The following SLC24A2 variants were observed in gnomAD, a reference collection of about 807,000 sequenced individuals.
The protein encoded by SLC24A2 is sodium/potassium/calcium exchanger 2.
A neutral mutation model predicts 62.0 loss-of-function variants in SLC24A2; 36 were observed. That is an observed-to-expected ratio of 0.58 (90% CI 0.44 to 0.77). The LOEUF (loss-of-function observed/expected upper bound fraction) is 0.77, where lower values mean the gene tolerates loss of function less well. SLC24A2 is among the 30% of genes least tolerant of loss of function. SLC24A2 has a pLI of 0.00. For synonymous variants in SLC24A2, 358 were observed against 294.0 expected (o/e 1.22, Z -2.23); for missense variants, 846 against 817.9 (o/e 1.03, Z -0.42).
At chr9:19,613,817 G>C (rs529714860) in intron 4 of SLC24A2, among the ~76,000 whole-genome samples, 4 of 152,074 alleles carry the variant, frequency 2.6e-5, no homozygotes, top group Admixed American at 1.3e-4. Flanking sequence ...TACAAACACA[G>C]ACTGTGAGTC....
chr9:20,300,278 C>A, the SLC24A2 span, among the ~76,000 whole-genome samples: 3 of 152,128 alleles, frequency 2.0e-5, no homozygotes, highest in East Asian at 3.8e-4. Flanking sequence ...CCAATTATAT[C>A]TTTTAGTTAT....
the SLC24A2 span, among the ~76,000 whole-genome samples, chr9:20,130,323 G>A: frequency 6.6e-6 from 1 of 151,818 alleles, no homozygotes. Context: ...CAAGCTCTCG[G>A]TGTTATGAAA....
At chr9:19,784,920 T>C (rs1327413272) in intron 2 of SLC24A2, among the ~76,000 whole-genome samples, 1 of 152,184 alleles carries the variant, frequency 6.6e-6, no homozygotes, top group East Asian at 1.9e-4. Context: ...CATATTAATA[T>C]CATTTTTCTT....
intron 9 of SLC24A2, 108 bp downstream of exon 9, chr9:19,527,941 C>A: frequency 1.3e-6 from 1 of 747,158 alleles, no homozygotes; most frequent in Non-Finnish European, 2.4e-6. Flanking sequence ...GTCTGTGTCA[C>A]ACCCAATACT....
the SLC24A2 span, among the ~76,000 whole-genome samples, chr9:20,271,542 C>A: frequency 6.6e-6 from 1 of 152,204 alleles, no homozygotes; most frequent in African/African-American, 2.4e-5. Context: ...TATCAGCACA[C>A]AGAAGGCTCT....
chr9:20,068,216 C>T, the SLC24A2 span, among the ~76,000 whole-genome samples: 1 of 151,970 alleles, frequency 6.6e-6, no homozygotes, highest in Admixed American at 6.6e-5. Context: ...GCGCCCAACA[C>T]CACGCCTGGA....
chr9:20,221,655 C>T, the SLC24A2 span, among the ~76,000 whole-genome samples: 746 of 151,708 alleles, frequency 4.9e-3, 2 homozygotes, highest in Non-Finnish European at 8.5e-3. Flanking sequence ...AAAATAAATC[C>T]ACAACTAGAT....
At chr9:20,019,296 A>AAAGAAAGAAAGAAAGG in the SLC24A2 span, among the ~76,000 whole-genome samples, 17 of 150,074 alleles carry the variant, frequency 1.1e-4, no homozygotes, top group African/African-American at 4.0e-4. Flanking sequence ...AGAAAGAAAG[A>AAAGAAAGAAAGAAAGG]AAGAAAGAAA....
At chr9:20,198,221 A>G in the SLC24A2 span, among the ~76,000 whole-genome samples, 1 of 152,190 alleles carries the variant, frequency 6.6e-6, no homozygotes, top group Non-Finnish European at 1.5e-5. Flanking sequence ...GAAAGGGGGA[A>G]AAAAGCATGT....
At chr9:19,891,131 C>G in the SLC24A2 span, among the ~76,000 whole-genome samples, 1 of 152,146 alleles carries the variant, frequency 6.6e-6, no homozygotes, top group Non-Finnish European at 1.5e-5. Context: ...TGAATCTTAC[C>G]TGGTTGGCCC....
chr9:19,916,967 C>A, the SLC24A2 span, among the ~76,000 whole-genome samples: 3 of 123,376 alleles, frequency 2.4e-5, no homozygotes, highest in Admixed American at 9.0e-5. Context: ...TGTATAGGTG[C>A]AAATAACTTA....
the SLC24A2 span, among the ~76,000 whole-genome samples, chr9:20,128,615 G>C: frequency 6.6e-6 from 1 of 152,070 alleles, no homozygotes; most frequent in African/African-American, 2.4e-5. Context: ...GTAGTGTGAA[G>C]TTAAGATTTT....
chr9:19,561,111 G>A (rs1157528389), intron 7 of SLC24A2, among the ~76,000 whole-genome samples: 1 of 151,472 alleles, frequency 6.6e-6, no homozygotes, highest in Admixed American at 6.6e-5. Context: ...TGTATTTTTA[G>A]TAGAGGTGGG....
chr9:19,578,645 G>T (rs1038228087), intron 5 of SLC24A2, among the ~76,000 whole-genome samples: 1 of 151,798 alleles, frequency 6.6e-6, no homozygotes, highest in Non-Finnish European at 1.5e-5. Flanking sequence ...AAACAAATAT[G>T]TTTCTCCTGG....
intron 5 of SLC24A2, among the ~76,000 whole-genome samples, chr9:19,596,414 C>T (rs191053629): frequency 9.2e-5 from 14 of 152,172 alleles, no homozygotes; most frequent in South Asian, 4.2e-4. Context: ...TTTAAAAAGT[C>T]GCAGTATGTA....
At chr9:19,722,939 T>G (rs1821070696) in intron 2 of SLC24A2, among the ~76,000 whole-genome samples, 1 of 152,142 alleles carries the variant, frequency 6.6e-6, no homozygotes, top group Admixed American at 6.6e-5. Flanking sequence ...GCTATTTTCT[T>G]GTCCTAATAG....
the SLC24A2 span, among the ~76,000 whole-genome samples, chr9:20,088,624 G>C: frequency 6.6e-6 from 1 of 152,196 alleles, no homozygotes. Flanking sequence ...AGCTGTTGTT[G>C]TCTTTGGGCT....
the SLC24A2 span, among the ~76,000 whole-genome samples, chr9:19,964,136 G>A: frequency 1.4e-5 from 2 of 145,790 alleles, no homozygotes; most frequent in Non-Finnish European, 3.0e-5. Context: ...ACCAAACACC[G>A]CATGTTCTCA....
the SLC24A2 span, among the ~76,000 whole-genome samples, chr9:20,188,334 T>A: frequency 6.6e-6 from 1 of 152,034 alleles, no homozygotes; most frequent in Admixed American, 6.5e-5. Context: ...GCCTTAACAA[T>A]AGGGAGTCTG....
Sources: allele counts gnomAD v4.1 joint callset (sites outside exome capture counted in the v4.1 genomes callset), GRCh38; gene constraint gnomAD v4.1.1; transcripts MANE v1.5; gene names NCBI Gene and HGNC (gene_info 2026-07-23, HGNC 2026-07-21).